The following WDR72 variants were observed in gnomAD, a reference collection of about 807,000 sequenced individuals.
WDR72 encodes WD repeat-containing protein 72.
WDR72 carries 120 observed loss-of-function variants against 124.2 expected under a neutral mutation model. The ratio of observed to expected loss-of-function variants is 0.97; its 90% CI spans 0.83 to 1.12. WDR72 has a LOEUF of 1.12. Among genes scored for constraint, WDR72 ranks in the 50% most tolerant of loss-of-function variants. The probability of loss-of-function intolerance (pLI) is 0.00; values close to 1 mark genes in which losing one functional copy is unlikely to be tolerated. For missense variants in WDR72, 1,387 were observed against 1,278.8 expected (o/e 1.08, Z -1.29); for synonymous variants, 452 against 441.7 (o/e 1.02, Z -0.29).
At chr15:53,650,642 C>T (rs689930) in intron 14 of WDR72, among the ~76,000 whole-genome samples, 10,349 of 152,120 alleles carry the variant, frequency 0.068, 1,152 homozygotes, top group African/African-American at 0.24. Context: ...ATTCATCCAT[C>T]AAGATTTAGT....
intron 1 of WDR72, among the ~76,000 whole-genome samples, chr15:53,750,856 T>C (rs1309217028): frequency 2.0e-5 from 3 of 152,160 alleles, no homozygotes; most frequent in Non-Finnish European, 2.9e-5. Context: ...AGGGACTGAA[T>C]TGCTACAAGC....
At chr15:53,731,856 A>G (rs928022256) in intron 2 of WDR72, among the ~76,000 whole-genome samples, 1 of 152,168 alleles carries the variant, frequency 6.6e-6, no homozygotes, top group Non-Finnish European at 1.5e-5. Flanking sequence ...GCTAAACAAA[A>G]GTTGAATAAA....
chr15:53,662,411 T>C (rs915774696), intron 14 of WDR72, among the ~76,000 whole-genome samples: 3 of 152,148 alleles, frequency 2.0e-5, no homozygotes, highest in African/African-American at 7.2e-5. Context: ...AAAAAAGAAA[T>C]ACAGCATTCT....
chr15:53,752,237 A>G (rs1264501102), intron 1 of WDR72, among the ~76,000 whole-genome samples: 1 of 152,200 alleles, frequency 6.6e-6, no homozygotes, highest in East Asian at 1.9e-4. Context: ...CTCATCTAAT[A>G]TGAGTTGAAT....
At chr15:53,533,201 G>T (rs574208867) in intron 18 of WDR72, among the ~76,000 whole-genome samples, 209 of 152,224 alleles carry the variant, frequency 1.4e-3, no homozygotes, top group Non-Finnish European at 2.6e-3. Flanking sequence ...CCATCCAAAG[G>T]TCTGGGAGGA....
chr15:53,665,643 G>A lies in WDR72; in HGVS notation c.1891C>T (p.Gln631Ter). ...SETLKHKSIEQRSSSPYQLGP... is the reference protein window; with the variant it reads ...SETLKHKSIE The stretch of plus-strand genomic sequence containing the variant: ...AGCTGGTAGGGGCTGGAGGATCTCT[G>A]TTCTATACTTTTGTGCTTAAGTGTC... Residue 631 changes from glutamine to a stop codon, truncating the protein, a stop_gained, in exon 14 of 20, where the codon CAG becomes TAG. Coordinates refer to ENST00000360509, the MANE Select transcript of WDR72 (RefSeq NM_182758.4). LOFTEE classifies it high-confidence loss of function. The A allele has an allele frequency of 6.2e-7, 1 of 1,613,898 alleles. No individual in the cohort carries two copies. The highest frequency in any genetic ancestry group is 8.5e-7 in the Non-Finnish European group (1 of 1,179,888).
At chr15:53,724,503 G>A (rs1019594027) in intron 2 of WDR72, among the ~76,000 whole-genome samples, 2 of 152,304 alleles carry the variant, frequency 1.3e-5, no homozygotes, top group South Asian at 4.1e-4. Context: ...CATGGTGGAA[G>A]GTGAAGGAGA....
intron 17 of WDR72, among the ~76,000 whole-genome samples, chr15:53,600,356 A>G (rs2012990049): frequency 6.6e-6 from 1 of 152,198 alleles, no homozygotes; most frequent in African/African-American, 2.4e-5. Flanking sequence ...AATTTTAATA[A>G]TGAGCTAGTA....
chr15:53,639,654 G>A lies in WDR72; in HGVS notation c.1963-23411C>T, dbSNP rs902566200. On this transcript the variant is annotated intron_variant, in intron 14 of 19. Transcript: ENST00000360509. ...ACTGCAGTGTGTGCCTGGCACTGCT[G>A]TCTGATTCTTCTGCTATTAATAGTT... Among the ~76,000 whole-genome samples, 8 of 151,500 alleles carry A rather than the reference G, an allele frequency of 5.3e-5. No homozygotes were observed. The Middle Eastern group carries it at 0.01, about 195-fold the overall frequency.
Position 53,641,622 on chromosome 15 carries a change from T to C in WDR72, c.1962+23950A>G, listed in dbSNP as rs142005372. Among the ~76,000 whole-genome samples, 1,425 of 152,076 alleles carry C rather than the reference T, an allele frequency of 9.4e-3. 31 individuals carry two copies. The highest frequency in any genetic ancestry group is 0.033 in the African/African-American group (1,373 of 41,556). Reference sequence around the variant, plus strand: ...GTGCTTGCTCTCTGGGACTATATCATTTTGTTAAATTAAGGCATTTTTGTG... The same window carrying C: ...GTGCTTGCTCTCTGGGACTATATCACTTTGTTAAATTAAGGCATTTTTGTG... On this transcript the variant is annotated intron_variant, in intron 14 of 19. Coordinates refer to ENST00000360509, the MANE Select transcript of WDR72 (RefSeq NM_182758.4).
At chr15:53,673,339 T>C (rs1438325232) in intron 13 of WDR72, among the ~76,000 whole-genome samples, 2 of 152,188 alleles carry the variant, frequency 1.3e-5, no homozygotes, top group East Asian at 1.9e-4. Context: ...AAAGAAATCA[T>C]AGTCATTTGA....
intron 18 of WDR72, among the ~76,000 whole-genome samples, chr15:53,558,176 A>G (rs1350044220): frequency 1.3e-5 from 2 of 152,094 alleles, no homozygotes; most frequent in African/African-American, 4.8e-5. Flanking sequence ...GTAGGAATTC[A>G]TAGACTCCAA....
chr15:53,581,308 T>C (rs1157852464), intron 18 of WDR72, among the ~76,000 whole-genome samples: 1 of 152,078 alleles, frequency 6.6e-6, no homozygotes, highest in Non-Finnish European at 1.5e-5. Flanking sequence ...AAGTAGATCT[T>C]GAGACCAAAA....
intron 13 of WDR72, among the ~76,000 whole-genome samples, chr15:53,688,752 G>A (rs975424546): frequency 7.9e-5 from 12 of 151,750 alleles, no homozygotes; most frequent in African/African-American, 2.2e-4. Context: ...AGCCCGCATC[G>A]CCAAGTCAAT....
At chr15:53,598,795 G>C (rs902652743) in intron 17 of WDR72, among the ~76,000 whole-genome samples, 2 of 152,124 alleles carry the variant, frequency 1.3e-5, no homozygotes, top group African/African-American at 2.4e-5. Flanking sequence ...CAAGTGAATG[G>C]TGCTTACTCA....
intron 17 of WDR72, 88 bp downstream of exon 17, chr15:53,609,425 C>T: frequency 8.6e-7 from 1 of 1,165,124 alleles, no homozygotes; most frequent in Non-Finnish European, 1.3e-6. Flanking sequence ...AGAGTAACTG[C>T]TTGTATTTTC....
intron 17 of WDR72, among the ~76,000 whole-genome samples, chr15:53,607,559 A>T (rs552148860): frequency 1.2e-4 from 18 of 152,286 alleles, no homozygotes; most frequent in Non-Finnish European, 1.9e-4. Context: ...TAAACTATCA[A>T]ACTACTACAA....
intron 13 of WDR72, among the ~76,000 whole-genome samples, chr15:53,669,440 A>T (rs866804386): frequency 6.6e-6 from 1 of 152,126 alleles, no homozygotes; most frequent in Admixed American, 6.5e-5. Context: ...TAGGGCTAGG[A>T]GTCATCCTTC....
At chr15:53,692,789 A>G (rs879638812) in intron 13 of WDR72, among the ~76,000 whole-genome samples, 3 of 152,210 alleles carry the variant, frequency 2.0e-5, no homozygotes, top group African/African-American at 4.8e-5. Flanking sequence ...ACAAAGATTC[A>G]AAAAATGGTC....
Sources: gnomAD v4.1 joint callset for allele counts (sites outside exome capture counted in the v4.1 genomes callset) on GRCh38, gnomAD v4.1.1 for gene constraint, MANE v1.5 for transcripts, NCBI Gene and HGNC (gene_info 2026-07-23, HGNC 2026-07-21) for gene names.